The following RASAL2 variants were observed in gnomAD, a reference collection of about 807,000 sequenced individuals.
RASAL2 encodes RAS protein activator like 2.
Under a neutral mutation model 128.9 loss-of-function variants are expected in RASAL2, and 58 were observed. The observed-to-expected ratio is 0.45, with a 90% CI of 0.36 to 0.56. The LOEUF (loss-of-function observed/expected upper bound fraction) is 0.56. Among genes scored for constraint, RASAL2 ranks in the 20% least tolerant of loss-of-function variants. The pLI is 0.00. For missense variants in RASAL2, 1,360 were observed against 1,601.6 expected (o/e 0.85, Z 2.57); for synonymous variants, 561 against 580.8 (o/e 0.97, Z 0.49).
intron 2 of RASAL2, among the ~76,000 whole-genome samples, chr1:178,293,771 GT>G (rs1381935406): frequency 1.1e-4 from 16 of 152,208 alleles, no homozygotes; most frequent in Non-Finnish European, 2.4e-4. Flanking sequence ...CGTGGAATTA[GT>G]TGCATAAATG....
intron 1 of RASAL2, among the ~76,000 whole-genome samples, chr1:178,277,731 A>G (rs12081750): frequency 0.042 from 6,338 of 152,284 alleles, 410 homozygotes; most frequent in African/African-American, 0.14. Flanking sequence ...CTTTTAGTGT[A>G]TTAAGACCTT....
intron 1 of RASAL2, among the ~76,000 whole-genome samples, chr1:178,202,204 G>T (rs965159691): frequency 2.6e-5 from 4 of 152,178 alleles, no homozygotes; most frequent in Admixed American, 6.5e-5. Context: ...ATCGTCAAAT[G>T]GAAGTGGTAT....
chr1:178,294,611 C>G (rs1490470598), intron 2 of RASAL2, among the ~76,000 whole-genome samples: 1 of 152,202 alleles, frequency 6.6e-6, no homozygotes, highest in Non-Finnish European at 1.5e-5. Context: ...ATCTGTCTAT[C>G]TGTCTGTCCA....
At chr1:178,248,931 T>A (rs1354642353) in intron 1 of RASAL2, among the ~76,000 whole-genome samples, 2 of 152,232 alleles carry the variant, frequency 1.3e-5, no homozygotes, top group Admixed American at 1.3e-4. Flanking sequence ...TGGGCTTCCC[T>A]TTGTAGGTAA....
chr1:178,229,394 T>G (rs1663913995), intron 1 of RASAL2, among the ~76,000 whole-genome samples: 1 of 152,206 alleles, frequency 6.6e-6, no homozygotes, highest in Admixed American at 6.5e-5. Context: ...GTCATTAGTC[T>G]CTTTGAAACT....
intron 1 of RASAL2, among the ~76,000 whole-genome samples, chr1:178,193,703 T>C (rs1041657769): frequency 3.3e-5 from 5 of 152,158 alleles, no homozygotes; most frequent in Non-Finnish European, 7.4e-5. Context: ...CTTTTTTCCT[T>C]GTACCTAAAC....
intron 17 of RASAL2, chr1:178,470,686 A>G: frequency 7.3e-7 from 1 of 1,365,544 alleles, no homozygotes; most frequent in Non-Finnish European, 9.8e-7. Flanking sequence ...GCTGTGTTAA[A>G]TTACAGGTCA....
At chr1:178,233,560 A>G (rs1013527756) in intron 1 of RASAL2, among the ~76,000 whole-genome samples, 1 of 152,216 alleles carries the variant, frequency 6.6e-6, no homozygotes, top group Non-Finnish European at 1.5e-5. Flanking sequence ...GACCTGGTTG[A>G]ACGACAACAA....
chr1:178,478,725 AAAG>A lies in RASAL2; in HGVS notation c.*5491_*5493del, dbSNP rs1388376667. The stretch of plus-strand genomic sequence containing the variant: ...GCATTTCATTACCTGGGTTTGTTCT[AAAG>A]AAGATTTATTTTTGTTCTGTGAATA... On this transcript the variant is annotated 3_prime_UTR_variant, in exon 18 of 18. Coordinates refer to ENST00000367649, the MANE Select transcript of RASAL2 (RefSeq NM_170692.4). 3 of 152,194 alleles carry A rather than the reference AAAG, an allele frequency of 2.0e-5. No individual in the cohort carries two copies. The highest frequency in any genetic ancestry group is 2.9e-5 in the Non-Finnish European group (2 of 68,014). 9.4% of individuals were successfully genotyped at this position (152,194 alleles called of 1,614,324 possible). A position where few individuals can be genotyped will look rare whatever the true frequency, so the allele number is the denominator to read the frequency against.
At chr1:178,137,225 A>G (rs1251713510) in intron 1 of RASAL2, among the ~76,000 whole-genome samples, 6 of 152,206 alleles carry the variant, frequency 3.9e-5, no homozygotes, top group Non-Finnish European at 8.8e-5. Flanking sequence ...TTCAAAAGCC[A>G]GAGAATAAAC....
intron 2 of RASAL2, among the ~76,000 whole-genome samples, chr1:178,293,181 G>T (rs558183231): frequency 6.6e-6 from 1 of 151,948 alleles, no homozygotes; most frequent in Non-Finnish European, 1.5e-5. Flanking sequence ...TTTCTCCCCC[G>T]TAACAAATTT....
At chr1:178,461,099 C>T (rs1298215703) in intron 14 of RASAL2, among the ~76,000 whole-genome samples, 1 of 152,194 alleles carries the variant, frequency 6.6e-6, no homozygotes, top group African/African-American at 2.4e-5. Flanking sequence ...CAGGAGTGAG[C>T]CACCGTGCCT....
intron 1 of RASAL2, among the ~76,000 whole-genome samples, chr1:178,211,445 TC>T: frequency 6.6e-6 from 1 of 152,150 alleles, no homozygotes. Flanking sequence ...CAGTAGCTCC[TC>T]ATTATTTATA....
intron 4 of RASAL2, among the ~76,000 whole-genome samples, chr1:178,415,433 A>G (rs1259218120): frequency 1.3e-5 from 2 of 152,126 alleles, no homozygotes; most frequent in Non-Finnish European, 2.9e-5. Flanking sequence ...CTAAAAGAAG[A>G]CATTGTATGA....
chr1:178,467,683 G>C (rs367546355), intron 17 of RASAL2, among the ~76,000 whole-genome samples: 2 of 152,174 alleles, frequency 1.3e-5, no homozygotes, highest in Non-Finnish European at 2.9e-5. Context: ...TGCATGATGG[G>C]GTTTGCTTCT....
chr1:178,228,973 ATTG>A (rs1453823121), intron 1 of RASAL2, among the ~76,000 whole-genome samples: 1 of 152,192 alleles, frequency 6.6e-6, no homozygotes, highest in Non-Finnish European at 1.5e-5. Context: ...TTACTTGCGT[ATTG>A]TTTTATTTTA....
chr1:178,389,347 TATGC>T, intron 3 of RASAL2: 1 of 758,354 alleles, frequency 1.3e-6, no homozygotes, highest in Non-Finnish European at 1.6e-6. Flanking sequence ...TGTGCGTGTG[TATGC>T]ATATATATAT....
At chr1:178,426,199 A>C (rs1174215069) in intron 5 of RASAL2, among the ~76,000 whole-genome samples, 2 of 152,186 alleles carry the variant, frequency 1.3e-5, no homozygotes, top group Non-Finnish European at 2.9e-5. Context: ...TTGTATGTGA[A>C]TGTTCATAAC....
intron 4 of RASAL2, among the ~76,000 whole-genome samples, chr1:178,415,641 T>A (rs1674703447): frequency 6.6e-6 from 1 of 152,118 alleles, no homozygotes; most frequent in African/African-American, 2.4e-5. Flanking sequence ...GCCTGCTAGA[T>A]CTGTCCATTT....
Sources: gnomAD v4.1 joint callset for allele counts (sites outside exome capture counted in the v4.1 genomes callset) on GRCh38, gnomAD v4.1.1 for gene constraint, MANE v1.5 for transcripts, NCBI Gene and HGNC (gene_info 2026-07-23, HGNC 2026-07-21) for gene names.